The following NLK variants were observed in gnomAD, a reference collection of about 807,000 sequenced individuals.
NLK encodes the protein nemo like kinase.
NLK carries 11 observed loss-of-function variants against 59.0 expected under a neutral mutation model. The ratio of observed to expected loss-of-function variants is 0.19; its 90% confidence interval spans 0.12 to 0.31. The LOEUF is 0.31. Among genes scored for constraint, NLK ranks in the 10% least tolerant of loss-of-function variants. The probability of loss-of-function intolerance (pLI) is 1.00; values close to 1 mark genes in which losing one functional copy is unlikely to be tolerated. For synonymous variants in NLK, 235 were observed against 235.9 expected (o/e 1.00, Z 0.03); for missense variants, 410 against 661.1 (o/e 0.62, Z 4.16).
At chr17:28,104,248 G>A (rs1410191609) in intron 1 of NLK, among the ~76,000 whole-genome samples, 1 of 151,888 alleles carries the variant, frequency 6.6e-6, no homozygotes, top group Non-Finnish European at 1.5e-5. Context: ...GATAGGGACT[G>A]GACTTTAGTT....
downstream of NLK, among the ~76,000 whole-genome samples, chr17:28,200,009 G>A (rs1193794923): frequency 6.6e-6 from 1 of 152,192 alleles, no homozygotes; most frequent in Non-Finnish European, 1.5e-5. Flanking sequence ...GCCTGGCAAA[G>A]AGAGGTGATC....
intron 3 of NLK, among the ~76,000 whole-genome samples, chr17:28,144,266 GT>G (rs1907141290): frequency 6.6e-6 from 1 of 151,986 alleles, no homozygotes; most frequent in African/African-American, 2.4e-5. Context: ...TCCTGAGATT[GT>G]TTTAAAGCAC....
At chr17:28,191,297 T>A in intron 9 of NLK, 78 bp downstream of exon 9, 10 of 1,106,258 alleles carry the variant, frequency 9.0e-6, no homozygotes, top group African/African-American at 1.6e-5. Context: ...AGAGCTGAGA[T>A]CTGGATGGTA....
rs112229785 is a variant in NLK, at chr17:28,113,585, G to A, written c.459-9018G>A. On this transcript the variant is annotated intron_variant, in intron 1 of 10. Coordinates refer to ENST00000407008, the MANE Select transcript of NLK (RefSeq NM_016231.5). ...TGGGAGTGTCTCTTAGCATGCTAAT[G>A]CATTATAATTCCAGAGGTCACTCTC... Among the ~76,000 whole-genome samples, 1,002 of 152,272 alleles carry A rather than the reference G, an allele frequency of 6.6e-3. 17 individuals carry two copies. Among genetic ancestry groups the A allele is most frequent in the African/African-American group, 0.022 (932 of 41,552 alleles).
intron 1 of NLK, among the ~76,000 whole-genome samples, chr17:28,051,098 G>C (rs927174367): frequency 6.9e-6 from 1 of 145,188 alleles, no homozygotes; most frequent in Non-Finnish European, 1.5e-5. Flanking sequence ...AAAAAAAAAA[G>C]TCAGAAAATT....
At chr17:28,060,036 ACAGT>A (rs1269836129) in intron 1 of NLK, among the ~76,000 whole-genome samples, 1 of 152,104 alleles carries the variant, frequency 6.6e-6, no homozygotes, top group Admixed American at 6.6e-5. Context: ...GTTATGTTTC[ACAGT>A]CAGCTTACAA....
At chr17:28,123,901 A>T (rs1224545045) in intron 2 of NLK, among the ~76,000 whole-genome samples, 1 of 152,188 alleles carries the variant, frequency 6.6e-6, no homozygotes, top group Non-Finnish European at 1.5e-5. Flanking sequence ...TACTCAACCT[A>T]TGCTATTTTA....
intron 7 of NLK, among the ~76,000 whole-genome samples, chr17:28,184,100 A>G (rs1909022264): frequency 6.6e-6 from 1 of 152,242 alleles, no homozygotes; most frequent in Non-Finnish European, 1.5e-5. Context: ...AGATATGGCC[A>G]TGTGGATATG....
chr17:28,154,228 A>G (rs914737570), intron 3 of NLK, among the ~76,000 whole-genome samples: 3 of 152,162 alleles, frequency 2.0e-5, no homozygotes, highest in Admixed American at 6.5e-5. Flanking sequence ...AGTATCTCAG[A>G]AAGTGGGGAT....
At chr17:28,158,347 A>C (rs1907868098) in intron 3 of NLK, among the ~76,000 whole-genome samples, 1 of 152,236 alleles carries the variant, frequency 6.6e-6, no homozygotes, top group Non-Finnish European at 1.5e-5. Flanking sequence ...TGTATAGGGC[A>C]CTTAACACGA....
chr17:28,089,139 G>C (rs2169131), intron 1 of NLK, among the ~76,000 whole-genome samples: 2 of 152,146 alleles, frequency 1.3e-5, no homozygotes, highest in Non-Finnish European at 1.5e-5. Context: ...TGGTAAGTTT[G>C]ATGTACGTAT....
At chr17:28,046,684 G>A (rs184764936) in intron 1 of NLK, among the ~76,000 whole-genome samples, 2 of 152,290 alleles carry the variant, frequency 1.3e-5, no homozygotes, top group African/African-American at 4.8e-5. Flanking sequence ...TTGGGACAAA[G>A]AGTTTCAGGG....
At chr17:28,081,831 G>T (rs1356362876) in intron 1 of NLK, among the ~76,000 whole-genome samples, 2 of 152,294 alleles carry the variant, frequency 1.3e-5, no homozygotes, top group East Asian at 3.9e-4. Context: ...CCTCATCACT[G>T]AACACTTGTC....
chr17:28,192,180 A>T lies in NLK; in HGVS notation c.1496A>T (p.Asn499Ile), dbSNP rs1458745038. The T allele has an allele frequency of 6.2e-7, 1 of 1,606,296 alleles. No individual in the cohort carries two copies. The highest frequency in any genetic ancestry group is 8.5e-7 in the Non-Finnish European group (1 of 1,174,284). Residue 499 changes from asparagine (N) to isoleucine (I), a missense_variant, in exon 10 of 11, where the codon AAC (asparagine) becomes ATC (isoleucine). By Grantham distance (149) the Asn-to-Ile change is moderately radical (BLOSUM62 -3). Transcript: ENST00000407008. The stretch of plus-strand genomic sequence containing the variant: ...GGAAACAGAGTGCCTCTCTGCATCA[A>T]CCCTCAGTCTGCTGCTTTTAAGAGC... ...QKGNRVPLCI[N>I]PQSAAFKSFI...
At chr17:28,131,816 T>C (rs1906530329) in intron 2 of NLK, among the ~76,000 whole-genome samples, 2 of 152,274 alleles carry the variant, frequency 1.3e-5, no homozygotes, top group South Asian at 4.1e-4. Flanking sequence ...TAAAGTCTTT[T>C]TTCCTCACCC....
intron 4 of NLK, among the ~76,000 whole-genome samples, chr17:28,161,741 G>C (rs1273484628): frequency 1.3e-5 from 2 of 152,156 alleles, no homozygotes; most frequent in African/African-American, 2.4e-5. Context: ...AACCAAAGTA[G>C]ATTGGGAAGA....
chr17:28,177,260 T>C (rs1908720706), intron 7 of NLK, among the ~76,000 whole-genome samples: 1 of 152,182 alleles, frequency 6.6e-6, no homozygotes, highest in South Asian at 2.1e-4. Context: ...TTCAAACCTG[T>C]GTTGTTCAAG....
intron 1 of NLK, among the ~76,000 whole-genome samples, chr17:28,045,778 C>A (rs1236960322): frequency 6.6e-6 from 1 of 152,048 alleles, no homozygotes; most frequent in Non-Finnish European, 1.5e-5. Flanking sequence ...ATTCTGAAAC[C>A]CAAGGTAAAG....
intron 6 of NLK, among the ~76,000 whole-genome samples, chr17:28,172,172 G>A (rs1800257384): frequency 6.7e-6 from 1 of 149,726 alleles, no homozygotes; most frequent in African/African-American, 2.4e-5. Flanking sequence ...CTTTACATGA[G>A]GAATTTATTT....
Sources: allele counts gnomAD v4.1 joint callset (sites outside exome capture counted in the v4.1 genomes callset), GRCh38; gene constraint gnomAD v4.1.1; transcripts MANE v1.5; gene names NCBI Gene and HGNC (gene_info 2026-07-23, HGNC 2026-07-21).